RANBP2: variants seen among roughly 807,000 people sequenced by gnomAD.
RANBP2 encodes the protein RAN binding protein 2.
In RANBP2, 57 loss-of-function variants were observed where a neutral mutation model predicts 303.6. The ratio of observed to expected loss-of-function variants is 0.19; its 90% confidence interval spans 0.15 to 0.23. The LOEUF (loss-of-function observed/expected upper bound fraction) is 0.23. Ranked by LOEUF, RANBP2 falls within the 10% of genes least tolerant of loss-of-function variation. RANBP2 has a pLI of 1.00. For missense variants in RANBP2, 3,138 were observed against 3,780.8 expected (o/e 0.83, Z 4.46); for synonymous variants, 1,167 against 1,301.5 (o/e 0.90, Z 2.23).
At chr2:109,013,924 G>A in the RANBP2 span, among the ~76,000 whole-genome samples, 5 of 152,272 alleles carry the variant, frequency 3.3e-5, no homozygotes, top group African/African-American at 1.2e-4. Context: ...TTTCTGGCTT[G>A]TTACTAAAGT....
At chr2:109,073,655 C>G in the RANBP2 span, among the ~76,000 whole-genome samples, 8 of 147,682 alleles carry the variant, frequency 5.4e-5, no homozygotes, top group East Asian at 1.6e-3. Flanking sequence ...GGCAACAGAG[C>G]GAGACTCTGT....
the RANBP2 span, chr2:109,614,520 G>C: frequency 7.9e-7 from 1 of 1,262,990 alleles, no homozygotes; most frequent in African/African-American, 1.6e-5. Context: ...GGGCCCCGAG[G>C]CGGCGCTGGG....
the RANBP2 span, among the ~76,000 whole-genome samples, chr2:109,736,235 T>A: frequency 6.6e-6 from 1 of 152,128 alleles, no homozygotes; most frequent in Non-Finnish European, 1.5e-5. Flanking sequence ...TTCTCTAGCC[T>A]CTGCACGCAC....
the RANBP2 span, among the ~76,000 whole-genome samples, chr2:109,276,418 C>A: frequency 2.0e-5 from 3 of 152,148 alleles, no homozygotes; most frequent in East Asian, 3.8e-4. Flanking sequence ...TCAGTCCAGG[C>A]CCGTCTGAAG....
chr2:108,893,696 C>A, the RANBP2 span, among the ~76,000 whole-genome samples: 1 of 151,934 alleles, frequency 6.6e-6, no homozygotes, highest in Non-Finnish European at 1.5e-5. Context: ...ACTGAAAAAA[C>A]GAAAACCTTG....
the RANBP2 span, among the ~76,000 whole-genome samples, chr2:109,010,441 TAGTC>T: frequency 6.6e-6 from 1 of 152,096 alleles, no homozygotes; most frequent in Non-Finnish European, 1.5e-5. Flanking sequence ...GCATGCATCT[TAGTC>T]AGCTTGGGCT....
chr2:109,247,893 T>A, the RANBP2 span, among the ~76,000 whole-genome samples: 1 of 152,206 alleles, frequency 6.6e-6, no homozygotes, highest in African/African-American at 2.4e-5. Flanking sequence ...GGCGTCTTCA[T>A]GTGGTGGACT....
the RANBP2 span, among the ~76,000 whole-genome samples, chr2:108,806,346 AT>A: frequency 6.6e-6 from 1 of 152,130 alleles, no homozygotes; most frequent in Non-Finnish European, 1.5e-5. Flanking sequence ...ATCCTTAATA[AT>A]TTTGCATGTA....
At chr2:109,437,563 C>G in the RANBP2 span, among the ~76,000 whole-genome samples, 7 of 152,152 alleles carry the variant, frequency 4.6e-5, no homozygotes, top group East Asian at 1.2e-3. Context: ...CCACGTGGGT[C>G]TTCCATCTGC....
rs1192687965 is a variant in RANBP2 at position 108,753,139 on chromosome 2, T to G, written c.1897T>G (p.Phe633Val). 1 of 1,608,912 alleles carries G rather than the reference T, an allele frequency of 6.2e-7. No individual in the cohort carries two copies. The highest frequency in any genetic ancestry group is 2.2e-5 in the East Asian group (1 of 44,760). ...ACCTATTGATCCTCTGTTTAAACAT[T>G]TTCATAGTGTAGACATTCAGGTAAC... ...PEPIDPLFKHFHSVDIQASEI... is the reference protein window; with the variant it reads ...PEPIDPLFKHVHSVDIQASEI... Residue 633 changes from phenylalanine to valine, a missense_variant, in exon 13 of 29, where the codon TTT (phenylalanine) becomes GTT (valine). Around this residue, in one of 20 missense-constraint regions of RANBP2, gnomAD observed 162 missense variants for 286.9 expected, o/e 0.56. Coordinates refer to ENST00000283195, the MANE Select transcript of RANBP2 (RefSeq NM_006267.5).
chr2:109,517,095 G>C, the RANBP2 span, among the ~76,000 whole-genome samples: 1 of 152,176 alleles, frequency 6.6e-6, no homozygotes, highest in East Asian at 1.9e-4. Context: ...CACAGGCCTA[G>C]AACCGGCCAG....
chr2:108,899,236 A>G, the RANBP2 span, among the ~76,000 whole-genome samples: 1 of 152,238 alleles, frequency 6.6e-6, no homozygotes, highest in Non-Finnish European at 1.5e-5. Flanking sequence ...TATAATCAGA[A>G]ACCTGGAGAC....
the RANBP2 span, among the ~76,000 whole-genome samples, chr2:109,734,911 C>G: frequency 8.6e-5 from 13 of 152,022 alleles, no homozygotes; most frequent in Non-Finnish European, 1.3e-4. Context: ...TTATGGGGTA[C>G]AGTGTGATAT....
At chr2:109,587,714 C>T in the RANBP2 span, among the ~76,000 whole-genome samples, 1 of 152,164 alleles carries the variant, frequency 6.6e-6, no homozygotes, top group African/African-American at 2.4e-5. Context: ...GAGATTGAGA[C>T]CATCCTGGCT....
At chr2:109,128,695 G>C in the RANBP2 span, 3 of 169,010 alleles carry the variant, frequency 1.8e-5, no homozygotes, top group African/African-American at 7.2e-5. Flanking sequence ...CAAGCTGCTC[G>C]CCGGCGCTGG....
the RANBP2 span, among the ~76,000 whole-genome samples, chr2:109,188,882 G>A: frequency 6.6e-6 from 1 of 152,056 alleles, no homozygotes; most frequent in East Asian, 1.9e-4. Context: ...GCTTTGCCGG[G>A]GCATTGTGTA....
At chr2:109,347,677 C>T in the RANBP2 span, 1 of 1,613,164 alleles carries the variant, frequency 6.2e-7, no homozygotes, top group Non-Finnish European at 8.5e-7. Context: ...CTTGCAGAAT[C>T]CCTGCCTGCT....
chr2:108,868,423 A>G, the RANBP2 span, among the ~76,000 whole-genome samples: 1 of 152,222 alleles, frequency 6.6e-6, no homozygotes, highest in Non-Finnish European at 1.5e-5. Context: ...GTGACTCAAC[A>G]AAAGCACTGA....
chr2:109,243,075 T>C, the RANBP2 span, among the ~76,000 whole-genome samples: 5 of 152,232 alleles, frequency 3.3e-5, no homozygotes, highest in African/African-American at 1.2e-4. Context: ...GCTGTTCATA[T>C]TCCTGTAGCG....
Sources: allele counts gnomAD v4.1 joint callset (sites outside exome capture counted in the v4.1 genomes callset), GRCh38; gene constraint gnomAD v4.1.1; regional missense constraint gnomAD v4.1.1; transcripts MANE v1.5; gene names NCBI Gene and HGNC (gene_info 2026-07-23, HGNC 2026-07-21).